The following TBKBP1 variants were observed in gnomAD, a reference collection of about 807,000 sequenced individuals.
TBKBP1 encodes TANK-binding kinase 1-binding protein 1.
TBKBP1 carries 47 observed loss-of-function variants against 69.9 expected under a neutral mutation model. That is an observed-to-expected ratio of 0.67 (90% CI 0.53 to 0.86). The LOEUF (loss-of-function observed/expected upper bound fraction) is 0.86. Among genes scored for constraint, TBKBP1 ranks in the 40% least tolerant of loss-of-function variants. The pLI is 0.00. For missense variants in TBKBP1, 831 were observed against 858.6 expected, an observed-to-expected ratio of 0.97 and a Z score of 0.40; for synonymous variants, 418 against 390.3, an observed-to-expected ratio of 1.07 and a Z score of -0.84.
At chr17:47,706,102 A>G (rs954767841) in intron 7 of TBKBP1, among the ~76,000 whole-genome samples, 3 of 152,058 alleles carry the variant, frequency 2.0e-5, no homozygotes, top group Non-Finnish European at 4.4e-5. Context: ...GGCAGGTGAA[A>G]TCTCTGAGGC....
At chr17:47,709,542 T>C (rs1480898327) in intron 9 of TBKBP1, 90 bp downstream of exon 9, 1 of 1,391,924 alleles carries the variant, frequency 7.2e-7, no homozygotes, top group Non-Finnish European at 9.3e-7. Context: ...GCCTTGCCCC[T>C]TTCGGGTGTC....
At chr17:47,697,311 C>T (rs947440085) in intron 4 of TBKBP1, 118 bp downstream of exon 4, 41 of 861,444 alleles carry the variant, frequency 4.8e-5, no homozygotes, top group Non-Finnish European at 7.1e-5. Flanking sequence ...CCATGTGTCA[C>T]ACATCACTTG....
chr17:47,710,931 A>C lies in TBKBP1; in HGVS notation c.*305A>C. 4.0e-6 allele frequency: 1 copy of C among 250,580 alleles called. No individual in the cohort carries two copies. The highest frequency in any genetic ancestry group is 8.3e-5 in the East Asian group (1 of 11,982). The allele number at this position is 250,580 out of a possible 1,614,324, so 15.5% of individuals were successfully genotyped here. On this transcript the variant is annotated 3_prime_UTR_variant, in exon 10 of 10. Transcript: ENST00000578982. ...CTCTCCCTCTGCCTTTCTGTTCTTA[A>C]TCAGGGTTGGATCCAAGAAGGTGTC...
chr17:47,707,196 A>G (rs1325932402), intron 7 of TBKBP1, among the ~76,000 whole-genome samples: 3 of 152,226 alleles, frequency 2.0e-5, no homozygotes, highest in Non-Finnish European at 4.4e-5. Context: ...ACAGTGATGA[A>G]GGCAGGGCCC....
intron 2 of TBKBP1, 56 bp downstream of exon 2, chr17:47,696,393 T>C: frequency 1.3e-6 from 2 of 1,563,582 alleles, no homozygotes; most frequent in Non-Finnish European, 1.7e-6. Context: ...GGAGGGGGAC[T>C]GGGAATCTGG....
At chr17:47,699,763 G>C in intron 7 of TBKBP1, 66 bp downstream of exon 7, 3 of 1,589,976 alleles carry the variant, frequency 1.9e-6, no homozygotes, top group South Asian at 1.1e-5. Context: ...CAGCCCTCAG[G>C]GGTGTGGTGT....
intron 7 of TBKBP1, among the ~76,000 whole-genome samples, chr17:47,701,008 A>C (rs2031479994): frequency 6.6e-6 from 1 of 152,072 alleles, no homozygotes; most frequent in Non-Finnish European, 1.5e-5. Flanking sequence ...TCCCTACTCT[A>C]ATTGGAGGAG....
rs1194315266 is a variant in TBKBP1, at chr17:47,709,401, C to T, written c.1668C>T (p.Ala556=). ...GCTTCCCCATCCCCGAGTCGCCCGC[C>T]GCCACCGCCTACGCCCACGCCGAGC... ...CAGFPIPESP[A]ATAYAHAEHA... The change falls in exon 9 of 10, where the codon GCC becomes GCT. Residue 556 remains alanine, a synonymous_variant. Coordinates refer to ENST00000578982, the MANE Select transcript of TBKBP1 (RefSeq NM_001394755.1). 6.5e-6 allele frequency: 10 copies of T among 1,537,562 alleles called. No homozygotes were observed. Among genetic ancestry groups the T allele is most frequent in the South Asian group, 4.8e-5 (4 of 84,072 alleles).
intron 1 of TBKBP1, 180 bp from the exon 2 acceptor site, chr17:47,695,898 CG>C (rs1315731205): frequency 4.1e-6 from 2 of 484,842 alleles, no homozygotes; most frequent in African/African-American, 3.8e-5. Flanking sequence ...TTCCCCAAGG[CG>C]GCAGAGAGGA....
intron 1 of TBKBP1, chr17:47,695,570 G>A (rs1418105117): frequency 6.5e-6 from 1 of 152,992 alleles, no homozygotes; most frequent in African/African-American, 2.4e-5. Context: ...AGGAAGTGGG[G>A]AAGTTGGGCG....
chr17:47,696,316 C>T lies in TBKBP1; in HGVS notation c.204C>T (p.Arg68=). The T allele has an allele frequency of 1.2e-6, 2 of 1,613,128 alleles. No individual in the cohort carries two copies. Among genetic ancestry groups the T allele is most frequent in the Non-Finnish European group, 1.7e-6 (2 of 1,179,812 alleles). ...LERENATLRR[R]LKVYEIKYPL... ...GGGAGAACGCCACCCTCCGACGCCG[C>T]CTCAAAGTCTACGAGATCAAGGTCA... is the stretch of plus-strand genomic sequence containing the variant. The change falls in exon 2 of 10, where the codon CGC becomes CGT. Residue 68 remains arginine, a synonymous_variant. Coordinates refer to ENST00000578982, the MANE Select transcript of TBKBP1 (RefSeq NM_001394755.1).
Position 47,708,667 on chromosome 17 carries a change from T to C in TBKBP1, c.992-58T>C. ...TCCGGGCAAGCCCCTGGCGCTCCAG[T>C]TCTGAGGTCTTCTCTCTGCACCTTT... is the stretch of plus-strand genomic sequence containing the variant. On this transcript the variant is annotated intron_variant, in intron 8 of 9. Transcript: ENST00000578982. This position sits in a 1 kb window ranked among gnomAD's most constrained non-coding sequence, Gnocchi z 4.4. 1 of 1,464,012 alleles carries C rather than the reference T, an allele frequency of 6.8e-7. No individual in the cohort carries two copies. Among genetic ancestry groups the C allele is most frequent in the Non-Finnish European group, 9.1e-7 (1 of 1,103,104 alleles). The allele number at this position is 1,464,012 out of a possible 1,614,324, so 90.7% of individuals were successfully genotyped here. A position where few individuals can be genotyped will look rare whatever the true frequency, so the allele number is the denominator to read the frequency against.
intron 7 of TBKBP1, among the ~76,000 whole-genome samples, chr17:47,702,618 CGAAAACA>C (rs2031549217): frequency 6.6e-6 from 1 of 152,108 alleles, no homozygotes; most frequent in Non-Finnish European, 1.5e-5. Context: ...AACGTTCCCA[CGAAAACA>C]GACACCCAGA....
chr17:47,698,349 GA>G (rs2143268907), intron 4 of TBKBP1, among the ~76,000 whole-genome samples: 1 of 152,344 alleles, frequency 6.6e-6, no homozygotes, highest in South Asian at 2.1e-4. Flanking sequence ...ACAGGGGGCT[GA>G]GTGTTCTTTT....
chr17:47,710,201 G>A (rs1204752400), intron 9 of TBKBP1, among the ~76,000 whole-genome samples: 2 of 152,174 alleles, frequency 1.3e-5, no homozygotes, highest in African/African-American at 2.4e-5. Flanking sequence ...TGAGTTATCC[G>A]GGAGCTGTCT....
intron 7 of TBKBP1, among the ~76,000 whole-genome samples, chr17:47,702,045 C>T (rs1027805676): frequency 2.6e-5 from 4 of 152,222 alleles, no homozygotes; most frequent in East Asian, 1.9e-4. Context: ...CCTAGTTTGG[C>T]GAGCGTTAAT....
At chr17:47,700,318 G>GTTTTTTTTTTTTTTTT (rs1567905913) in intron 7 of TBKBP1, among the ~76,000 whole-genome samples, 2 of 82,828 alleles carry the variant, frequency 2.4e-5, no homozygotes, top group Non-Finnish European at 4.4e-5. Flanking sequence ...TTTTTTTTTG[G>GTTTTTTTTTTTTTTTT]ATTTTTAGTA....
At chr17:47,696,618 C>T in intron 2 of TBKBP1, 93 bp from the exon 3 acceptor site, 1 of 1,590,962 alleles carries the variant, frequency 6.3e-7, no homozygotes, top group Non-Finnish European at 8.6e-7. Flanking sequence ...GGTCAAAGGT[C>T]TGAGGCAGGT....
Position 47,698,790 on chromosome 17 carries a change from A to G in TBKBP1, c.634+15A>G. The G allele has an allele frequency of 6.6e-7, 1 of 1,523,896 alleles. No homozygotes were observed. The highest frequency in any genetic ancestry group is 8.8e-7 in the Non-Finnish European group (1 of 1,132,594). The allele number at this position is 1,523,896 out of a possible 1,614,324, so 94.4% of individuals were successfully genotyped here. On this transcript the variant is annotated intron_variant, in intron 5 of 9. Transcript: ENST00000578982. ...CTTGAGTCATGGTGAGATCTCAGTG[A>G]CCCCGACTTACCTCCTAGTCCCCAA... is the stretch of plus-strand genomic sequence containing the variant.
Sources: gnomAD v4.1 joint callset for allele counts (sites outside exome capture counted in the v4.1 genomes callset) on GRCh38, gnomAD v4.1.1 for gene constraint, Gnocchi (gnomAD v3.1) non-coding constraint, MANE v1.5 for transcripts, NCBI Gene and HGNC (gene_info 2026-07-23, HGNC 2026-07-21) for gene names.